Variants in VPS35L observed in about 807,000 individuals in gnomAD.
VPS35L encodes VPS35 endosomal protein-sorting factor-like.
Under a neutral mutation model 133.0 loss-of-function variants are expected in VPS35L, and 83 were observed. The observed-to-expected ratio is 0.62, with a 90% CI of 0.52 to 0.75. VPS35L has a LOEUF of 0.75. Ranked by LOEUF, VPS35L falls within the 30% of genes least tolerant of loss-of-function variation. The pLI is 0.00. For missense variants in VPS35L, 1,083 were observed against 1,206.8 expected, an observed-to-expected ratio of 0.90 and a Z score of 1.52; for synonymous variants, 423 against 449.9, an observed-to-expected ratio of 0.94 and a Z score of 0.76.
At chr16:19,634,438 C>T (rs942903404) in intron 19 of VPS35L, among the ~76,000 whole-genome samples, 2 of 148,326 alleles carry the variant, frequency 1.3e-5, no homozygotes, top group African/African-American at 5.0e-5. Context: ...AAAAAAAACC[C>T]ACTAATGTGA....
rs111608514 is a variant in VPS35L, at chr16:19,678,437, C to T, written c.2362-3788C>T. Among the ~76,000 whole-genome samples, 3 of 151,720 alleles carry T rather than the reference C, an allele frequency of 2.0e-5. No individual in the cohort carries two copies. In the South Asian group the frequency reaches 6.2e-4, roughly 32 times the overall value. On this transcript the variant is annotated intron_variant, in intron 27 of 30. Transcript: ENST00000417362. The stretch of plus-strand genomic sequence containing the variant: ...CTTTGTCTTAAGAAAAAAAAAAAAT[C>T]TTTGTCTGCCTTACTTCAGCTGTTG...
intron 27 of VPS35L, among the ~76,000 whole-genome samples, chr16:19,674,936 GTTTTC>G (rs890104820): frequency 6.0e-5 from 9 of 149,418 alleles, no homozygotes; most frequent in East Asian, 2.0e-4. Flanking sequence ...TGTGTATAAT[GTTTTC>G]TTTTCTTTTC....
At chr16:19,588,976 C>G (rs1020661545) in intron 7 of VPS35L, among the ~76,000 whole-genome samples, 10 of 152,076 alleles carry the variant, frequency 6.6e-5, no homozygotes, top group African/African-American at 2.4e-4. Flanking sequence ...TTAATTTTTC[C>G]AGTCATATTT....
chr16:19,631,547 C>A (rs188905771), intron 18 of VPS35L, among the ~76,000 whole-genome samples: 6 of 152,224 alleles, frequency 3.9e-5, no homozygotes, highest in Admixed American at 2.6e-4. Flanking sequence ...CATATGCACT[C>A]CCTTGTACCC....
chr16:19,681,210 C>G (rs1200867623), intron 27 of VPS35L, among the ~76,000 whole-genome samples: 1 of 151,196 alleles, frequency 6.6e-6, no homozygotes, highest in Non-Finnish European at 1.5e-5. Flanking sequence ...TCCTCTAGCT[C>G]CCAATTTGTT....
At chr16:19,677,032 C>T (rs147406853) in intron 27 of VPS35L, among the ~76,000 whole-genome samples, 1 of 151,632 alleles carries the variant, frequency 6.6e-6, no homozygotes, top group African/African-American at 2.4e-5. Context: ...GGCAACATAG[C>T]AAGACCTCAT....
intron 14 of VPS35L, among the ~76,000 whole-genome samples, chr16:19,622,322 T>C (rs1567431500): frequency 6.6e-6 from 1 of 151,912 alleles, no homozygotes; most frequent in African/African-American, 2.4e-5. Context: ...TTTGTATTTT[T>C]AGTAGAGACA....
chr16:19,696,027 C>T (rs1179673759), intron 29 of VPS35L, among the ~76,000 whole-genome samples: 1 of 152,078 alleles, frequency 6.6e-6, no homozygotes, highest in Non-Finnish European at 1.5e-5. Flanking sequence ...GCTGGGACTA[C>T]AGGCGCGTGC....
intron 29 of VPS35L, among the ~76,000 whole-genome samples, chr16:19,693,873 C>T (rs756087826): frequency 1.4e-4 from 20 of 145,648 alleles, no homozygotes; most frequent in African/African-American, 4.6e-4. Context: ...AAGGCTGCGG[C>T]GGGAACTCGA....
intron 23 of VPS35L, among the ~76,000 whole-genome samples, chr16:19,645,978 G>C (rs560709993): frequency 6.6e-5 from 10 of 151,704 alleles, no homozygotes; most frequent in African/African-American, 1.2e-4. Flanking sequence ...GTTTTTTTTG[G>C]GGGGGTCGAG....
chr16:19,614,032 G>A (rs1036659839), intron 12 of VPS35L, among the ~76,000 whole-genome samples: 1 of 151,862 alleles, frequency 6.6e-6, no homozygotes, highest in African/African-American at 2.4e-5. Flanking sequence ...AGTGGGTAGA[G>A]CGTGGGGGGA....
intron 28 of VPS35L, among the ~76,000 whole-genome samples, chr16:19,685,772 C>T (rs995163435): frequency 1.3e-5 from 2 of 152,108 alleles, no homozygotes; most frequent in Non-Finnish European, 2.9e-5. Flanking sequence ...TATTTCTTGG[C>T]GTCTTTGTTT....
At chr16:19,619,294 A>AT (rs1368631288) in intron 14 of VPS35L, among the ~76,000 whole-genome samples, 1 of 152,008 alleles carries the variant, frequency 6.6e-6, no homozygotes, top group African/African-American at 2.4e-5. Flanking sequence ...ACTTTTTGAG[A>AT]TTCTAAATTA....
chr16:19,618,746 G>A (rs962047255), intron 14 of VPS35L, among the ~76,000 whole-genome samples: 1 of 151,978 alleles, frequency 6.6e-6, no homozygotes, highest in Non-Finnish European at 1.5e-5. Flanking sequence ...TTTCTAGTCC[G>A]TTGCAAGAAT....
At chr16:19,662,072 G>A (rs575335998) in intron 26 of VPS35L, among the ~76,000 whole-genome samples, 11 of 152,272 alleles carry the variant, frequency 7.2e-5, no homozygotes, top group Admixed American at 1.3e-4. Flanking sequence ...GCATGATGGC[G>A]CACGCCTGTA....
intron 28 of VPS35L, among the ~76,000 whole-genome samples, chr16:19,685,860 G>A (rs1322700920): frequency 6.6e-6 from 1 of 152,068 alleles, no homozygotes; most frequent in Admixed American, 6.6e-5. Flanking sequence ...CTGGAAGTGA[G>A]GCTATCACAG....
chr16:19,670,380 G>A (rs1466440297), intron 27 of VPS35L, among the ~76,000 whole-genome samples: 1 of 152,234 alleles, frequency 6.6e-6, no homozygotes, highest in Non-Finnish European at 1.5e-5. Flanking sequence ...TGGAATCCTG[G>A]CCCATCCTTC....
intron 4 of VPS35L, 147 bp downstream of exon 4, chr16:19,573,388 T>A (rs1026973732): frequency 1.1e-4 from 97 of 899,422 alleles, no homozygotes; most frequent in Middle Eastern, 7.0e-4. Flanking sequence ...TAAGGCTTCA[T>A]GTAGTATGTC....
chr16:19,629,392 T>C (rs1476852729), intron 17 of VPS35L, among the ~76,000 whole-genome samples: 1 of 152,130 alleles, frequency 6.6e-6, no homozygotes, highest in East Asian at 1.9e-4. Flanking sequence ...AAAGATGTAA[T>C]TTCTTTGATT....
Sources: allele counts gnomAD v4.1 joint callset (sites outside exome capture counted in the v4.1 genomes callset), GRCh38; gene constraint gnomAD v4.1.1; transcripts MANE v1.5; gene names NCBI Gene and HGNC (gene_info 2026-07-23, HGNC 2026-07-21).